The following CD99 variants were observed in gnomAD, a reference collection of about 807,000 sequenced individuals.
CD99 encodes CD99 antigen.
Under a neutral mutation model 28.4 loss-of-function variants are expected in CD99, and 19 were observed. The observed-to-expected ratio is 0.67, with a 90% CI of 0.47 to 0.98. CD99 has a LOEUF of 0.98. Ranked by LOEUF, CD99 falls within the 50% of genes least tolerant of loss-of-function variation. The pLI is 0.00. For synonymous variants in CD99, 103 were observed against 92.1 expected, an observed-to-expected ratio of 1.12 and a Z score of -0.67; for missense variants, 283 against 248.8, an observed-to-expected ratio of 1.14 and a Z score of -0.92.
intron 8 of CD99, among the ~76,000 whole-genome samples, chrX:2,728,200 CTT>C (rs892410632): frequency 4.1e-4 from 44 of 106,962 alleles, no homozygotes; most frequent in African/African-American, 4.7e-4. Flanking sequence ...TTGGTTGTTT[CTT>C]TTTTTTTTTT....
At chrX:2,702,062 T>G (rs2047889358) in intron 1 of CD99, among the ~76,000 whole-genome samples, 1 of 152,218 alleles carries the variant, frequency 6.6e-6, no homozygotes, top group Non-Finnish European at 1.5e-5. Flanking sequence ...AATTTGCTGC[T>G]GGAGTTGAGA....
chrX:2,741,034 G>A lies in CD99; in HGVS notation c.*230G>A. The A allele has an allele frequency of 1.7e-6, 1 of 584,984 alleles. No homozygotes were observed. 36.2% of individuals were successfully genotyped at this position (584,984 alleles called of 1,614,324 possible). Reference sequence around the variant, plus strand: ...AGGCACTTGGACCCCCATTCTCCAAGGCCCGGGGGGGCGGTTTCCCATGGG... The same window carrying A: ...AGGCACTTGGACCCCCATTCTCCAAAGCCCGGGGGGGCGGTTTCCCATGGG... On this transcript the variant is annotated 3_prime_UTR_variant, in exon 10 of 10. Transcript: ENST00000381192.
intron 1 of CD99, among the ~76,000 whole-genome samples, chrX:2,709,460 T>G (rs1368950680): frequency 6.6e-6 from 1 of 152,226 alleles, no homozygotes; most frequent in African/African-American, 2.4e-5. Flanking sequence ...AGTGCACTTG[T>G]GCACATATAC....
Position 2,726,386 on chromosome X carries a change from C to G in CD99, c.475+13C>G. The G allele has an allele frequency of 2.7e-6, 4 of 1,475,094 alleles. No homozygotes were observed. Among genetic ancestry groups the G allele is most frequent in the Non-Finnish European group, 3.8e-6 (4 of 1,054,252 alleles). The allele number at this position is 1,475,094 out of a possible 1,614,324, so 91.4% of individuals were successfully genotyped here. On this transcript the variant is annotated intron_variant, in intron 8 of 9. Coordinates refer to ENST00000381192, the MANE Select transcript of CD99 (RefSeq NM_002414.5). ...TTCAAAGAAAATGGTAAGTCTCAGT[C>G]CGCCGGTGCCTCTCCTTCATGCCTT...
At position 2,691,492 on chromosome X, in the gene CD99, T is replaced by C. The variant is rs755371382; in HGVS notation, c.67+65T>C. 1.7e-5 allele frequency: 26 copies of C among 1,508,320 alleles called. No homozygotes were observed. The South Asian group carries it at 3.1e-4, about 18-fold the overall frequency. The allele number at this position is 1,508,320 out of a possible 1,614,324, so 93.4% of individuals were successfully genotyped here. A position where few individuals can be genotyped will look rare whatever the true frequency, so the allele number is the denominator to read the frequency against. The stretch of plus-strand genomic sequence containing the variant: ...GCGCGGGCCGGGACTGGGGATCCGC[T>C]TGAGATGCGGCGTTGGGGGCGCCCC... On this transcript the variant is annotated intron_variant, in intron 1 of 9. Transcript: ENST00000381192.
intron 3 of CD99, 57 bp downstream of exon 3, chrX:2,717,709 A>G (rs1319738479): frequency 1.3e-6 from 2 of 1,512,046 alleles, no homozygotes; most frequent in Non-Finnish European, 1.8e-6. Flanking sequence ...TTTCTCGGAC[A>G]GCAGGACGGG....
intron 8 of CD99, among the ~76,000 whole-genome samples, chrX:2,734,201 A>G (rs1262943269): frequency 2.1e-5 from 3 of 144,020 alleles, no homozygotes; most frequent in Non-Finnish European, 4.7e-5. Context: ...TACTTTTCTT[A>G]TTTTTTTCTT....
Position 2,722,674 on chromosome X carries a change from G to A in CD99, c.310G>A (p.Gly104Arg). 1 of 1,613,912 alleles carries A rather than the reference G, an allele frequency of 6.2e-7. No homozygotes were observed. The highest frequency in any genetic ancestry group is 2.2e-5 in the East Asian group (1 of 44,882). The part of the protein sequence containing the change: ...DLADGVSGGE[G>R]KGGSDGGGSH... ...TGCGGATGGCGTTTCAGGTGGAGAA[G>A]GTACAGTTATCTTGTTTTCTGTCTC... Residue 104 changes from glycine (G) to arginine (R), a missense_variant and splice_region_variant, in exon 6 of 10, where the codon GGA becomes AGA. Transcript: ENST00000381192.
At chrX:2,724,492 G>A (rs2049170430) in intron 7 of CD99, among the ~76,000 whole-genome samples, 1 of 152,190 alleles carries the variant, frequency 6.6e-6, no homozygotes. Context: ...TCAATGGCCA[G>A]GCACGCTGGC....
At chrX:2,727,249 G>A (rs1181169041) in intron 8 of CD99, 2 of 770,548 alleles carry the variant, frequency 2.6e-6, no homozygotes, top group Non-Finnish European at 4.8e-6. Flanking sequence ...AAAATTTACA[G>A]GGGAATTAGG....
rs767890850 is a variant in CD99, at chrX:2,723,711, G to A, written c.361+347G>A. Among the ~76,000 whole-genome samples the A allele has an allele frequency of 9.2e-5, 14 of 152,232 alleles. No homozygotes were observed. In the South Asian group the frequency reaches 2.7e-3, roughly 29 times the overall value. On this transcript the variant is annotated intron_variant, in intron 7 of 9. Transcript: ENST00000381192. ...CAGAGGCTTGTGACGCAGTATCCTC[G>A]GTTGCGCTTGGCCCTTGAGAACGTC...
chrX:2,725,407 C>T (rs2049221900), intron 7 of CD99, among the ~76,000 whole-genome samples: 1 of 152,018 alleles, frequency 6.6e-6, no homozygotes, highest in African/African-American at 2.4e-5. Flanking sequence ...CAAAATAATA[C>T]ACAATAATAA....
intron 1 of CD99, among the ~76,000 whole-genome samples, chrX:2,699,274 C>T (rs941415698): frequency 1.3e-5 from 2 of 151,176 alleles, no homozygotes; most frequent in African/African-American, 4.9e-5. Context: ...GGTTCAAGTG[C>T]CTCTCTTGCC....
At chrX:2,728,200 C>CTTTTTTTTTTTT (rs892410632) in intron 8 of CD99, among the ~76,000 whole-genome samples, 3 of 106,976 alleles carry the variant, frequency 2.8e-5, no homozygotes, top group African/African-American at 1.2e-4. Flanking sequence ...TTGGTTGTTT[C>CTTTTTTTTTTTT]TTTTTTTTTT....
At chrX:2,695,823 G>A (rs1042905272) in intron 1 of CD99, among the ~76,000 whole-genome samples, 5 of 151,786 alleles carry the variant, frequency 3.3e-5, no homozygotes, top group Non-Finnish European at 4.4e-5. Context: ...TAGTAGAGAC[G>A]GTGTTTCACC....
At chrX:2,707,725 G>A (rs5982838) in intron 1 of CD99, among the ~76,000 whole-genome samples, 20,915 of 152,128 alleles carry the variant, frequency 0.14, 2,988 homozygotes, top group African/African-American at 0.35. Flanking sequence ...TTTGCAGAGA[G>A]GCTGAATGCC....
At chrX:2,698,935 T>TC (rs1174706751) in intron 1 of CD99, among the ~76,000 whole-genome samples, 3 of 151,020 alleles carry the variant, frequency 2.0e-5, no homozygotes, top group African/African-American at 7.3e-5. Flanking sequence ...TTTAATTTTT[T>TC]TTTTTTTTTG....
chrX:2,714,619 A>G lies in CD99; in HGVS notation c.100+165A>G, dbSNP rs368355421. ...CATATAAATGTTATGTTTACTCTCA[A>G]CTGTAGTCTATTAAGTATGCAATAG... On this transcript the variant is annotated intron_variant, in intron 2 of 9. Transcript: ENST00000381192. The G allele has an allele frequency of 9.2e-5, 53 of 577,542 alleles. 2 individuals are homozygous for G. The highest frequency in any genetic ancestry group is 5.4e-4 in the Admixed American group (19 of 35,458). 35.8% of individuals were successfully genotyped at this position (577,542 alleles called of 1,614,324 possible).
intron 8 of CD99, among the ~76,000 whole-genome samples, chrX:2,733,064 T>C (rs1263253132): frequency 2.1e-5 from 3 of 142,638 alleles, no homozygotes; most frequent in Non-Finnish European, 4.6e-5. Context: ...CCTTCCCTCT[T>C]TCTGCCTTCC....
Sources: allele counts gnomAD v4.1 joint callset (sites outside exome capture counted in the v4.1 genomes callset), GRCh38; gene constraint gnomAD v4.1.1; transcripts MANE v1.5; gene names NCBI Gene and HGNC (gene_info 2026-07-23, HGNC 2026-07-21).